MGAT4C: variants seen among roughly 807,000 people sequenced by gnomAD.
MGAT4C encodes the protein MGAT4 family member C.
Under a neutral mutation model 40.1 loss-of-function variants are expected in MGAT4C, and 19 were observed. That is an observed-to-expected ratio of 0.47 (90% CI 0.33 to 0.70). The LOEUF (loss-of-function observed/expected upper bound fraction) is 0.70. Ranked by LOEUF, MGAT4C falls within the 30% of genes least tolerant of loss-of-function variation. MGAT4C has a pLI of 0.02. For synonymous variants in MGAT4C, 181 were observed against 187.1 expected, an observed-to-expected ratio of 0.97 and a Z score of 0.27; for missense variants, 491 against 563.2, an observed-to-expected ratio of 0.87 and a Z score of 1.30.
At chr12:86,603,596 ATAGAC>A (rs1248611306) in intron 2 of MGAT4C, among the ~76,000 whole-genome samples, 1 of 123,984 alleles carries the variant, frequency 8.1e-6, no homozygotes, top group Non-Finnish European at 1.6e-5. Flanking sequence ...CATATAGTCT[ATAGAC>A]TATAGATAAT....
chr12:86,728,040 T>G (rs540961960), intron 1 of MGAT4C, among the ~76,000 whole-genome samples: 1 of 152,322 alleles, frequency 6.6e-6, no homozygotes, highest in African/African-American at 2.4e-5. Context: ...TTAATGTTCT[T>G]TATTGATAAA....
chr12:86,472,124 A>G (rs1957765880), intron 2 of MGAT4C, among the ~76,000 whole-genome samples: 1 of 152,136 alleles, frequency 6.6e-6, no homozygotes. Context: ...TGTTCCCATT[A>G]GGGCACCAAT....
intron 2 of MGAT4C, among the ~76,000 whole-genome samples, chr12:86,631,528 A>G (rs1292188751): frequency 6.6e-6 from 1 of 152,094 alleles, no homozygotes; most frequent in African/African-American, 2.4e-5. Context: ...CAGTAACCAA[A>G]ACAGAATGGT....
chr12:86,830,260 CA>C (rs1254020406), intron 1 of MGAT4C, among the ~76,000 whole-genome samples: 1 of 151,596 alleles, frequency 6.6e-6, no homozygotes, highest in African/African-American at 2.4e-5. Flanking sequence ...TGGTATGTTT[CA>C]CACTGTCTTT....
At chr12:86,217,466 A>C (rs1291083079) in intron 1 of MGAT4C, among the ~76,000 whole-genome samples, 2 of 152,154 alleles carry the variant, frequency 1.3e-5, no homozygotes, top group African/African-American at 4.8e-5. Context: ...TCTTATCACA[A>C]AGAGAGGCTA....
At chr12:86,319,394 C>G (rs1056956229) in intron 4 of MGAT4C, among the ~76,000 whole-genome samples, 2 of 152,130 alleles carry the variant, frequency 1.3e-5, no homozygotes, top group Admixed American at 1.3e-4. Flanking sequence ...ACCCCAGCAA[C>G]CCATCCCATT....
intron 2 of MGAT4C, among the ~76,000 whole-genome samples, chr12:86,454,460 C>G (rs573741498): frequency 1.1e-3 from 174 of 152,080 alleles, no homozygotes; most frequent in African/African-American, 4.1e-3. Context: ...CTCCTGAGAT[C>G]AAGAAATCCA....
rs180940456 is a variant in MGAT4C at position 86,033,499 on chromosome 12, A to T, written c.-7+16175T>A. ...CCCTAGTTAGCTGTATTTCTAGGTAATTTTTTTTCTTTTTGTGGCTATTGT... is the reference window on the plus strand; with the variant it reads ...CCCTAGTTAGCTGTATTTCTAGGTATTTTTTTTTCTTTTTGTGGCTATTGT... On this transcript the variant is annotated intron_variant, in intron 2 of 4. Transcript: ENST00000611864. Among the ~76,000 whole-genome samples the T allele has an allele frequency of 3.9e-3, 585 of 148,510 alleles. 17 individuals carry two copies. Among genetic ancestry groups the T allele is most frequent in the African/African-American group, 0.014 (559 of 41,096 alleles).
intron 3 of MGAT4C, among the ~76,000 whole-genome samples, chr12:86,363,112 A>G (rs1220223555): frequency 1.3e-5 from 2 of 152,078 alleles, no homozygotes; most frequent in Non-Finnish European, 2.9e-5. Flanking sequence ...ATTTATCTTA[A>G]TTAATAAAAC....
At position 86,049,722 on chromosome 12, in the gene MGAT4C, C is replaced by T; in HGVS notation, c.-55G>A. ...CTGTGCTGTACAGAAACCGTTGATA[C>T]CCTGGAAAAAAGAAAGTCTAATATT... On this transcript the variant is annotated splice_region_variant and 5_prime_UTR_variant, in exon 2 of 5. Coordinates refer to ENST00000611864, the MANE Select transcript of MGAT4C (RefSeq NM_001351288.2). 1 of 980,894 alleles carries T rather than the reference C, an allele frequency of 1.0e-6. No individual in the cohort carries two copies. The highest frequency in any genetic ancestry group is 1.2e-6 in the Non-Finnish European group (1 of 825,672). 60.8% of individuals were successfully genotyped at this position (980,894 alleles called of 1,614,324 possible). A position where few individuals can be genotyped will look rare whatever the true frequency, so the allele number is the denominator to read the frequency against.
At chr12:86,309,278 C>A (rs1468072010) in intron 4 of MGAT4C, among the ~76,000 whole-genome samples, 1 of 141,166 alleles carries the variant, frequency 7.1e-6, no homozygotes, top group Non-Finnish European at 1.5e-5. Context: ...AGCTTACCAC[C>A]ACCAAAAAAC....
Position 85,973,065 on chromosome 12 carries a change from T to A in MGAT4C, c.*6224A>T, listed in dbSNP as rs1237223102. ...ATGAAGTTACAAAAAAAGTACTTTT[T>A]AAATGTCTAGTTTCTAATAGAGTTA... On this transcript the variant is annotated 3_prime_UTR_variant, in exon 5 of 5. Transcript: ENST00000611864. The A allele has an allele frequency of 6.6e-6, 1 of 150,786 alleles. No individual in the cohort carries two copies. The highest frequency in any genetic ancestry group is 2.4e-5 in the African/African-American group (1 of 41,322). 9.3% of individuals were successfully genotyped at this position (150,786 alleles called of 1,614,324 possible). A position where few individuals can be genotyped will look rare whatever the true frequency, so the allele number is the denominator to read the frequency against.
At chr12:86,755,143 T>C (rs74849841) in intron 1 of MGAT4C, among the ~76,000 whole-genome samples, 1 of 152,260 alleles carries the variant, frequency 6.6e-6, no homozygotes, top group East Asian at 1.9e-4. Context: ...CTTTCAATAA[T>C]GTGGATGGCC....
intron 1 of MGAT4C, among the ~76,000 whole-genome samples, chr12:86,232,836 G>A (rs567210009): frequency 1.1e-3 from 163 of 152,272 alleles, no homozygotes; most frequent in Admixed American, 1.6e-3. Flanking sequence ...TTGAAGGTGA[G>A]GATTTGACTG....
intron 2 of MGAT4C, among the ~76,000 whole-genome samples, chr12:86,568,778 T>A (rs1162547029): frequency 1.3e-5 from 2 of 151,900 alleles, no homozygotes; most frequent in Non-Finnish European, 2.9e-5. Flanking sequence ...AATTTACGTA[T>A]ATACAGACAA....
rs183457815 is a variant in MGAT4C at position 86,484,854 on chromosome 12, G to T, written c.-228-49589C>A. Among the ~76,000 whole-genome samples, 236 of 152,214 alleles carry T rather than the reference G, an allele frequency of 1.6e-3. 1 individual carries two copies. The highest frequency in any genetic ancestry group is 0.01 in the Middle Eastern group (3 of 294). On this transcript the variant is annotated intron_variant, in intron 2 of 7. Coordinates refer to the MGAT4C transcript ENST00000548651. ...AGAGCAGGCTTGGTGAGTGGGGTCAGGTCTTTCCCCAGCCCACCAAAAAGC... is the reference window on the plus strand; with the variant it reads ...AGAGCAGGCTTGGTGAGTGGGGTCATGTCTTTCCCCAGCCCACCAAAAAGC...
At chr12:86,229,852 G>A (rs1038454233) in intron 1 of MGAT4C, among the ~76,000 whole-genome samples, 19 of 152,026 alleles carry the variant, frequency 1.2e-4, no homozygotes, top group Admixed American at 7.9e-4. Context: ...AAAGCACAGT[G>A]TTAAAAAACA....
chr12:86,384,430 A>G (rs1207040923), intron 3 of MGAT4C, among the ~76,000 whole-genome samples: 1 of 152,178 alleles, frequency 6.6e-6, no homozygotes, highest in African/African-American at 2.4e-5. Context: ...CAGGATTTCA[A>G]TATTTGGGAT....
chr12:86,817,682 T>A (rs1053296297), intron 1 of MGAT4C, among the ~76,000 whole-genome samples: 9 of 151,614 alleles, frequency 5.9e-5, no homozygotes, highest in Non-Finnish European at 1.0e-4. Flanking sequence ...AATTTAGAAA[T>A]GTCCATTTTT....
Sources: gnomAD v4.1 joint callset for allele counts (sites outside exome capture counted in the v4.1 genomes callset) on GRCh38, gnomAD v4.1.1 for gene constraint, MANE v1.5 for transcripts, NCBI Gene and HGNC (gene_info 2026-07-23, HGNC 2026-07-21) for gene names.